Variants in SERPINF1 observed in about 807,000 individuals in gnomAD.
SERPINF1 encodes the protein pigment epithelium-derived factor.
SERPINF1 carries 29 observed loss-of-function variants against 37.3 expected under a neutral mutation model. The observed-to-expected ratio is 0.78, with a 90% CI of 0.58 to 1.06. The LOEUF (loss-of-function observed/expected upper bound fraction) is 1.06. Among genes scored for constraint, SERPINF1 ranks in the 50% least tolerant of loss-of-function variants. SERPINF1 has a pLI of 0.00. For missense variants in SERPINF1, 553 were observed against 532.2 expected (o/e 1.04, Z -0.38); for synonymous variants, 281 against 227.9 (o/e 1.23, Z -2.10).
At chr17:1,775,853 C>T (rs1907996383) in intron 6 of SERPINF1, among the ~76,000 whole-genome samples, 2 of 152,244 alleles carry the variant, frequency 1.3e-5, no homozygotes, top group South Asian at 4.1e-4. Context: ...CATTCTAAGG[C>T]TTTCAGTGTA....
intron 4 of SERPINF1, 91 bp downstream of exon 4, chr17:1,771,275 G>C (rs1907720595): frequency 7.6e-7 from 1 of 1,315,862 alleles, no homozygotes; most frequent in African/African-American, 1.5e-5. Flanking sequence ...TTGAGACGGA[G>C]TCTCGCTCTG....
In SERPINF1 at chr17:1,770,162, C is replaced by T. The variant is rs140715382; in HGVS notation, c.283+112C>T. ...TTCAGTTCAGCGAGGGGTGAAGTAG[C>T]ACCAGGGGCCTGGCCTGGGGGTCCC... is the stretch of plus-strand genomic sequence containing the variant. On this transcript the variant is annotated intron_variant, in intron 3 of 7. Transcript: ENST00000254722. The T allele has an allele frequency of 2.8e-5, 33 of 1,190,916 alleles. No homozygotes were observed. In the African/African-American group the frequency reaches 4.2e-4, roughly 15 times the overall value. 73.8% of individuals were successfully genotyped at this position (1,190,916 alleles called of 1,614,324 possible).
At chr17:1,775,260 C>G (rs1907961122) in intron 6 of SERPINF1, 60 bp downstream of exon 6, 1 of 1,552,256 alleles carries the variant, frequency 6.4e-7, no homozygotes, top group Non-Finnish European at 8.8e-7. Flanking sequence ...AGAAGCAAAA[C>G]AGGGTAGTGG....
intron 5 of SERPINF1, among the ~76,000 whole-genome samples, chr17:1,774,290 G>A (rs1291425856): frequency 6.6e-6 from 1 of 152,186 alleles, no homozygotes; most frequent in Non-Finnish European, 1.5e-5. Flanking sequence ...CTGGCTCCCA[G>A]GTTCAAGTGA....
rs368421343 is a variant in SERPINF1, at chr17:1,775,866, TGAC to T, written c.787-665_787-663del. Among the ~76,000 whole-genome samples, 44 of 152,374 alleles carry T rather than the reference TGAC, an allele frequency of 2.9e-4. No individual in the cohort carries two copies. In the Middle Eastern group the frequency reaches 0.017, roughly 59 times the overall value. On this transcript the variant is annotated intron_variant, in intron 6 of 7. Coordinates refer to ENST00000254722, the MANE Select transcript of SERPINF1 (RefSeq NM_002615.7). ...GGCATTCTAAGGCTTTCAGTGTACC[TGAC>T]TTCTTTTAGTTCTAAGTCTGTAACT...
chr17:1,767,908 T>G (rs1907481426), intron 2 of SERPINF1, among the ~76,000 whole-genome samples: 1 of 152,076 alleles, frequency 6.6e-6, no homozygotes, highest in South Asian at 2.1e-4. Flanking sequence ...TGGGCGGAAA[T>G]AAAAACTCAG....
chr17:1,773,215 T>A (rs1907848498), intron 5 of SERPINF1, among the ~76,000 whole-genome samples: 1 of 152,158 alleles, frequency 6.6e-6, no homozygotes, highest in Non-Finnish European at 1.5e-5. Flanking sequence ...TGGGTCTGTT[T>A]GGGGCTTTCC....
At chr17:1,775,224 G>C (rs375473311) in intron 6 of SERPINF1, 24 bp downstream of exon 6, 27 of 1,604,448 alleles carry the variant, frequency 1.7e-5, no homozygotes, top group Admixed American at 3.3e-5. Flanking sequence ...GGGGCAGGGT[G>C]GGGGGTGGAT....
rs1907661477 is a variant in SERPINF1, at chr17:1,770,474, TTCTG to T, written c.283+425_283+428del. ...AGTCTTTTTTTTTTTTTTTTTTTCTTTCTGAGACGGAGTCTCGCTTTGTCGCCAA... is the reference window on the plus strand; with the variant it reads ...AGTCTTTTTTTTTTTTTTTTTTTCTTAGACGGAGTCTCGCTTTGTCGCCAA... On this transcript the variant is annotated intron_variant, in intron 3 of 7. Coordinates refer to ENST00000254722, the MANE Select transcript of SERPINF1 (RefSeq NM_002615.7). 5 of 202,814 alleles carry T rather than the reference TTCTG, an allele frequency of 2.5e-5. No homozygotes were observed. The South Asian group carries it at 3.3e-4, about 13-fold the overall frequency. 12.6% of individuals were successfully genotyped at this position (202,814 alleles called of 1,614,324 possible). A position where few individuals can be genotyped will look rare whatever the true frequency, so the allele number is the denominator to read the frequency against.
At chr17:1,776,345 A>C in intron 6 of SERPINF1, 187 bp from the exon 7 acceptor site, 1 of 642,322 alleles carries the variant, frequency 1.6e-6, no homozygotes. Flanking sequence ...CTTTCTGAAG[A>C]AACCTCAGGA....
At chr17:1,772,666 C>T (rs1203741501) in intron 5 of SERPINF1, among the ~76,000 whole-genome samples, 2 of 152,148 alleles carry the variant, frequency 1.3e-5, no homozygotes, top group African/African-American at 2.4e-5. Flanking sequence ...TCACACCATT[C>T]TCCTGCCTCG....
intron 2 of SERPINF1, 62 bp from the exon 3 acceptor site, chr17:1,769,790 C>T (rs1016937931): frequency 3.8e-6 from 6 of 1,563,886 alleles, no homozygotes; most frequent in African/African-American, 2.7e-5. Context: ...CGTGAGGAGA[C>T]AGTCCCTGTG....
intron 1 of SERPINF1, among the ~76,000 whole-genome samples, chr17:1,765,609 A>G (rs1300836969): frequency 6.6e-6 from 1 of 152,180 alleles, no homozygotes; most frequent in East Asian, 1.9e-4. Flanking sequence ...GGCATGAGCC[A>G]CTGTGCTCGG....
In SERPINF1 at chr17:1,771,162, C is replaced by T; in HGVS notation, c.417C>T (p.Ala139=). ...CCCCCCAGAAGAACCTCAAGAGTGC[C>T]TCCCGGATCGTCTTTGAGAAGAGTG... The part of the protein sequence containing the change: ...VTAPQKNLKS[A]SRIVFEKKLR... Residue 139 remains alanine, a synonymous_variant, in exon 4 of 8, where the codon GCC becomes GCT. Transcript: ENST00000254722. 6.2e-7 allele frequency: 1 copy of T among 1,614,076 alleles called. No homozygotes were observed. Among genetic ancestry groups the T allele is most frequent in the Non-Finnish European group, 8.5e-7 (1 of 1,179,986 alleles).
In SERPINF1 at chr17:1,775,003, G is replaced by A. The variant is rs113216072; in HGVS notation, c.644-55G>A. 1.1e-4 allele frequency: 180 copies of A among 1,611,478 alleles called. 1 individual carries two copies. In the African/African-American group the frequency reaches 1.1e-3, roughly 10 times the overall value. On this transcript the variant is annotated intron_variant, in intron 5 of 7. Coordinates refer to ENST00000254722, the MANE Select transcript of SERPINF1 (RefSeq NM_002615.7). ...ACGTGCTCTGGGGACACAGCATGGC[G>A]CCACTGTCTTTCTGGTCTCCTGGGG...
chr17:1,770,222 C>A (rs762713952), intron 3 of SERPINF1, among the ~76,000 whole-genome samples, 172 bp downstream of exon 3: 27 of 152,328 alleles, frequency 1.8e-4, no homozygotes, highest in Non-Finnish European at 3.2e-4. Context: ...GCTGCACACA[C>A]ACGATTCCCC....
At chr17:1,764,164 A>G (rs1907236119) in intron 1 of SERPINF1, among the ~76,000 whole-genome samples, 1 of 152,252 alleles carries the variant, frequency 6.6e-6, no homozygotes, top group Admixed American at 6.5e-5. Context: ...CCTGGGCGAC[A>G]AGAGTGAAAC....
chr17:1,766,698 G>A (rs1349909759), intron 1 of SERPINF1: 2 of 579,974 alleles, frequency 3.4e-6, no homozygotes, highest in Admixed American at 5.8e-5. Flanking sequence ...GGAGGGGCGG[G>A]AGAACCTTGC....
Position 1,771,187 on chromosome 17 carries a change from G to C in SERPINF1, c.439+3G>C. 1 of 1,613,206 alleles carries C rather than the reference G, an allele frequency of 6.2e-7. No homozygotes were observed. Among genetic ancestry groups the C allele is most frequent in the South Asian group, 1.1e-5 (1 of 91,044 alleles). ...CTCCCGGATCGTCTTTGAGAAGAGT[G>C]AGTCGCCTTTGCAGCCCAAGTTGCC... On this transcript the variant is annotated splice_donor_region_variant and intron_variant, in intron 4 of 7. Transcript: ENST00000254722.
Sources: gnomAD v4.1 joint callset for allele counts (sites outside exome capture counted in the v4.1 genomes callset) on GRCh38, gnomAD v4.1.1 for gene constraint, MANE v1.5 for transcripts, NCBI Gene and HGNC (gene_info 2026-07-23, HGNC 2026-07-21) for gene names.